The following PRIM2 variants were observed in gnomAD, a reference collection of about 807,000 sequenced individuals.
PRIM2 encodes DNA primase subunit 2.
Under a neutral mutation model 67.3 loss-of-function variants are expected in PRIM2, and 39 were observed. That is an observed-to-expected ratio of 0.58 (90% CI 0.45 to 0.76). The LOEUF (loss-of-function observed/expected upper bound fraction) is 0.76, where lower values mean the gene tolerates loss of function less well. Among genes scored for constraint, PRIM2 ranks in the 30% least tolerant of loss-of-function variants. PRIM2 has a pLI of 0.00. For synonymous variants in PRIM2, 143 were observed against 198.7 expected (o/e 0.72, Z 2.36); for missense variants, 398 against 598.7 (o/e 0.66, Z 3.50).
In PRIM2 at chr6:57,329,749, A is replaced by G. The variant is rs1054871048; in HGVS notation, c.459+3704A>G. 2.6e-5 allele frequency among the ~76,000 whole-genome samples: 4 copies of G among 152,154 alleles called. No homozygotes were observed. The South Asian group carries it at 8.3e-4, about 32-fold the overall frequency. On this transcript the variant is annotated intron_variant, in intron 5 of 13. Transcript: ENST00000615550. The stretch of plus-strand genomic sequence containing the variant: ...GCTCAGGATTAAACCTCTTTCCTTT[A>G]TAAATTACCCAGTCTCAGGCAGTTC...
At position 57,537,488 on chromosome 6, in the gene PRIM2, T is replaced by A; in HGVS notation, c.883T>A (p.Leu295Met). 1 of 1,532,544 alleles carries A rather than the reference T, an allele frequency of 6.5e-7. No homozygotes were observed. Among genetic ancestry groups the A allele is most frequent in the Non-Finnish European group, 9.0e-7 (1 of 1,111,480 alleles). 94.9% of individuals were successfully genotyped at this position (1,532,544 alleles called of 1,614,324 possible). A position where few individuals can be genotyped will look rare whatever the true frequency, so the allele number is the denominator to read the frequency against. The change falls in exon 10 of 14, where the codon TTG (leucine) becomes ATG (methionine). Residue 295 changes from leucine to methionine, a missense_variant. Leu to Met is a conservative substitution (Grantham distance 15). Coordinates refer to ENST00000615550, the MANE Select transcript of PRIM2 (RefSeq NM_000947.5). ...PPCMRQLHKA[L>M]RENHHLRHGG... ...TTGCATGCGTCAGTTACATAAAGCC[T>A]TGCGGGAAAATCACCATCTTCGTCA... is the stretch of plus-strand genomic sequence containing the variant.
intron 7 of PRIM2, among the ~76,000 whole-genome samples, chr6:57,433,307 T>C (rs1771894514): frequency 6.6e-6 from 1 of 152,092 alleles, no homozygotes; most frequent in African/African-American, 2.4e-5. Context: ...GTTACATATG[T>C]ATACATGTGC....
At chr6:57,341,257 G>T (rs1171134678) in intron 5 of PRIM2, among the ~76,000 whole-genome samples, 1 of 152,092 alleles carries the variant, frequency 6.6e-6, no homozygotes, top group African/African-American at 2.4e-5. Context: ...GTCCTCCTAG[G>T]GTGTTTATTA....
intron 7 of PRIM2, among the ~76,000 whole-genome samples, chr6:57,448,416 G>A (rs2127388845): frequency 6.6e-6 from 1 of 152,308 alleles, no homozygotes; most frequent in South Asian, 2.1e-4. Context: ...ACCAAACTCT[G>A]TAATACATTT....
chr6:57,611,530 G>T (rs1252263747), intron 12 of PRIM2, among the ~76,000 whole-genome samples: 1 of 152,166 alleles, frequency 6.6e-6, no homozygotes, highest in African/African-American at 2.4e-5. Context: ...AAATGGTAAT[G>T]TGGAGTTCCA....
At chr6:57,340,560 C>G (rs62418096) in intron 5 of PRIM2, among the ~76,000 whole-genome samples, 64 of 144,942 alleles carry the variant, frequency 4.4e-4, no homozygotes, top group African/African-American at 5.9e-4. Flanking sequence ...TTTGTAGGGA[C>G]ATGGATGAAA....
In PRIM2 at chr6:57,543,230, C is replaced by A. The variant is rs1437178313; in HGVS notation, c.1020+5605C>A. On this transcript the variant is annotated intron_variant, in intron 10 of 13. Coordinates refer to ENST00000615550, the MANE Select transcript of PRIM2 (RefSeq NM_000947.5). Reference sequence around the variant, plus strand: ...CTGGGATTACAGGCGTGAGCCACCGCGCCCGGCCAGGATATTTTTTAGGAT... The same window carrying A: ...CTGGGATTACAGGCGTGAGCCACCGAGCCCGGCCAGGATATTTTTTAGGAT... Among the ~76,000 whole-genome samples the A allele has an allele frequency of 5.4e-4, 82 of 152,134 alleles. 1 individual carries two copies. The highest frequency in any genetic ancestry group is 1.9e-3 in the African/African-American group (78 of 41,482).
chr6:57,550,748 A>G (rs1775384755), intron 10 of PRIM2, among the ~76,000 whole-genome samples: 3 of 152,168 alleles, frequency 2.0e-5, no homozygotes, highest in East Asian at 1.9e-4. Context: ...TGTTGCTAAT[A>G]TATGTGGTAC....
At chr6:57,601,763 G>C (rs1776471738) in intron 11 of PRIM2, among the ~76,000 whole-genome samples, 1 of 152,144 alleles carries the variant, frequency 6.6e-6, no homozygotes, top group African/African-American at 2.4e-5. Flanking sequence ...CATCTCATTT[G>C]TCTGGTATGT....
At chr6:57,244,683 C>T in the PRIM2 span, among the ~76,000 whole-genome samples, 2 of 151,968 alleles carry the variant, frequency 1.3e-5, no homozygotes, top group East Asian at 3.9e-4. Flanking sequence ...ATCGCTTGAA[C>T]CCGAGTGGCA....
the PRIM2 span, among the ~76,000 whole-genome samples, chr6:57,237,072 A>C: frequency 1.3e-5 from 2 of 151,790 alleles, no homozygotes; most frequent in Non-Finnish European, 1.5e-5. Context: ...CCTCTCCAGC[A>C]CCTGTTGTTT....
In PRIM2 at chr6:57,565,526, A is replaced by T. The variant is rs1241955074; in HGVS notation, c.1020+27901A>T. Among the ~76,000 whole-genome samples, 137 of 151,624 alleles carry T rather than the reference A, an allele frequency of 9.0e-4. 1 individual carries two copies. The highest frequency in any genetic ancestry group is 3.2e-3 in the African/African-American group (131 of 41,320). On this transcript the variant is annotated intron_variant, in intron 10 of 13. Coordinates refer to ENST00000615550, the MANE Select transcript of PRIM2 (RefSeq NM_000947.5). ...CCCAGTCCAAGGATAGGAGAAGACC[A>T]GTGTCTCAGCTCATGTGGTCAGGCA...
chr6:57,614,298 C>T (rs2127495103), intron 12 of PRIM2, among the ~76,000 whole-genome samples: 1 of 152,298 alleles, frequency 6.6e-6, no homozygotes, highest in South Asian at 2.1e-4. Context: ...TCCACCCTGG[C>T]CCGTGGAAAA....
chr6:57,467,044 G>A (rs1712151564), intron 7 of PRIM2, among the ~76,000 whole-genome samples: 1 of 148,300 alleles, frequency 6.7e-6, no homozygotes, highest in South Asian at 2.1e-4. Flanking sequence ...AGCGGAGGTT[G>A]CAGTGAGCCA....
intron 5 of PRIM2, among the ~76,000 whole-genome samples, chr6:57,359,050 T>G (rs1581825622): frequency 1.3e-5 from 2 of 152,400 alleles, no homozygotes; most frequent in African/African-American, 4.8e-5. Context: ...TCCAGAACTT[T>G]TTCATCTTCT....
intron 8 of PRIM2, among the ~76,000 whole-genome samples, chr6:57,525,528 T>G (rs1774730303): frequency 6.6e-6 from 1 of 152,268 alleles, no homozygotes; most frequent in Admixed American, 6.5e-5. Flanking sequence ...GACTTCTATT[T>G]CAGTTCCCCA....
intron 12 of PRIM2, among the ~76,000 whole-genome samples, chr6:57,606,703 C>G (rs1776568221): frequency 6.6e-6 from 1 of 152,226 alleles, no homozygotes; most frequent in African/African-American, 2.4e-5. Context: ...TGGAAACCTT[C>G]CCCCACACCT....
At chr6:57,619,932 C>T (rs1434011816) in intron 12 of PRIM2, among the ~76,000 whole-genome samples, 2 of 152,128 alleles carry the variant, frequency 1.3e-5, no homozygotes, top group Non-Finnish European at 2.9e-5. Flanking sequence ...TGCGGTGGCT[C>T]ACACCTGTAA....
chr6:57,507,674 T>C (rs1554347334), intron 8 of PRIM2, among the ~76,000 whole-genome samples: 8,175 of 152,246 alleles, frequency 0.054, 311 homozygotes, highest in Non-Finnish European at 0.082. Flanking sequence ...AACAGTGTGC[T>C]GAACTGCTTG....
Sources: allele counts gnomAD v4.1 joint callset (sites outside exome capture counted in the v4.1 genomes callset), GRCh38; gene constraint gnomAD v4.1.1; transcripts MANE v1.5; gene names NCBI Gene and HGNC (gene_info 2026-07-23, HGNC 2026-07-21).